SH3GL2: variants seen among roughly 807,000 people sequenced by gnomAD.
SH3GL2 encodes the protein SH3 domain containing GRB2 like 2, endophilin A1.
SH3GL2 carries 24 observed loss-of-function variants against 46.0 expected under a neutral mutation model. The ratio of observed to expected loss-of-function variants is 0.52; its 90% confidence interval spans 0.38 to 0.73. The LOEUF is 0.73. Among genes scored for constraint, SH3GL2 ranks in the 30% least tolerant of loss-of-function variants. The pLI is 0.00. For synonymous variants in SH3GL2, 196 were observed against 147.1 expected (o/e 1.33, Z -2.40); for missense variants, 413 against 424.2 (o/e 0.97, Z 0.23).
At chr9:17,740,311 A>T (rs1822487697) in intron 1 of SH3GL2, among the ~76,000 whole-genome samples, 3 of 152,148 alleles carry the variant, frequency 2.0e-5, no homozygotes, top group Admixed American at 2.0e-4. Context: ...CTGCTGTGAG[A>T]CATATACTGC....
intron 1 of SH3GL2, among the ~76,000 whole-genome samples, chr9:17,661,114 A>G (rs1231194711): frequency 1.3e-5 from 2 of 152,160 alleles, no homozygotes; most frequent in African/African-American, 4.8e-5. Context: ...GTGAGCCGAG[A>G]TTGTACCACT....
intron 1 of SH3GL2, chr9:17,590,391 T>C (rs1818458999): frequency 6.6e-6 from 1 of 152,210 alleles, no homozygotes. Flanking sequence ...TAGCCTGTTA[T>C]CCAGAGATCT....
At chr9:17,620,630 A>G (rs897554295) in intron 1 of SH3GL2, among the ~76,000 whole-genome samples, 15 of 152,120 alleles carry the variant, frequency 9.9e-5, no homozygotes, top group African/African-American at 1.4e-4. Flanking sequence ...GCCACCAGCA[A>G]ATTGGTCAAG....
rs565875969 is a variant in SH3GL2, at chr9:17,775,031, T to G, written c.188-11350T>G. Among the ~76,000 whole-genome samples, 34 of 152,310 alleles carry G rather than the reference T, an allele frequency of 2.2e-4. No homozygotes were observed. The East Asian group carries it at 5.0e-3, about 22-fold the overall frequency. ...TTGGTAGGTTTTGTGTTTCTAAGAG[T>G]TTGTCCATTTCATTTAGGTTATACA... On this transcript the variant is annotated intron_variant, in intron 3 of 8. Transcript: ENST00000380607.
In SH3GL2 at chr9:17,612,134, G is replaced by A. The variant is rs116058551; in HGVS notation, c.45+32847G>A. ...GACCTGTCTGTATGGGGGAAAGTCC[G>A]GCTCTTCAAGGGTGGCATTGCCTGT... On this transcript the variant is annotated intron_variant, in intron 1 of 8. Coordinates refer to ENST00000380607, the MANE Select transcript of SH3GL2 (RefSeq NM_003026.5). Among the ~76,000 whole-genome samples, 110 of 152,210 alleles carry A rather than the reference G, an allele frequency of 7.2e-4. 1 individual carries two copies. Among genetic ancestry groups the A allele is most frequent in the African/African-American group, 2.5e-3 (103 of 41,528 alleles).
chr9:17,721,956 A>G (rs558129801), intron 1 of SH3GL2, among the ~76,000 whole-genome samples: 2 of 152,230 alleles, frequency 1.3e-5, no homozygotes, highest in Non-Finnish European at 2.9e-5. Context: ...AGGTGTCCGC[A>G]GTGAGGTGAG....
intron 3 of SH3GL2, among the ~76,000 whole-genome samples, chr9:17,780,042 G>A (rs1303137066): frequency 2.0e-5 from 3 of 152,146 alleles, no homozygotes; most frequent in Non-Finnish European, 4.4e-5. Flanking sequence ...CAGACCACAT[G>A]CCAAACCAAT....
At chr9:17,592,127 G>A (rs1019410582) in intron 1 of SH3GL2, among the ~76,000 whole-genome samples, 8 of 152,278 alleles carry the variant, frequency 5.3e-5, no homozygotes, top group Admixed American at 2.0e-4. Flanking sequence ...CTGAGGCCCC[G>A]GGGAGCTGCT....
chr9:17,743,147 C>G (rs1291541807), intron 1 of SH3GL2, among the ~76,000 whole-genome samples: 1 of 151,986 alleles, frequency 6.6e-6, no homozygotes, highest in South Asian at 2.1e-4. Flanking sequence ...ATGCATAAAA[C>G]AAAAGGAAGT....
rs369952393 is a variant in SH3GL2 at position 17,586,526 on chromosome 9, C to T, written c.45+7239C>T. 2.6e-5 allele frequency among the ~76,000 whole-genome samples: 4 copies of T among 152,234 alleles called. No individual in the cohort carries two copies. In the East Asian group the frequency reaches 7.7e-4, roughly 29 times the overall value. On this transcript the variant is annotated intron_variant, in intron 1 of 8. Transcript: ENST00000380607. ...TTCTCATGTTGCTAATAAAGGCATA[C>T]CCGAGACTGGGTAATTTATAAAGGA...
chr9:17,738,567 T>C (rs1173159503), intron 1 of SH3GL2, among the ~76,000 whole-genome samples: 1 of 64,420 alleles, frequency 1.6e-5, no homozygotes, highest in East Asian at 1.5e-3. Flanking sequence ...TATACATACA[T>C]ATATATATAG....
chr9:17,663,729 T>G (rs1277433150), intron 1 of SH3GL2, among the ~76,000 whole-genome samples: 1 of 152,216 alleles, frequency 6.6e-6, no homozygotes, highest in Non-Finnish European at 1.5e-5. Context: ...CGCAGACTTT[T>G]TGTTAACAGA....
intron 1 of SH3GL2, among the ~76,000 whole-genome samples, chr9:17,596,493 C>T (rs1818574408): frequency 6.6e-6 from 1 of 152,124 alleles, no homozygotes; most frequent in South Asian, 2.1e-4. Context: ...GCTGTTCAGC[C>T]TCATTCTCCA....
chr9:17,791,439 A>C (rs986319300), intron 7 of SH3GL2, 105 bp downstream of exon 7: 2 of 824,428 alleles, frequency 2.4e-6, no homozygotes, highest in East Asian at 5.0e-5. Context: ...CGTCTGCCAA[A>C]ATTCCGCTTA....
At chr9:17,635,344 A>G (rs1819518474) in intron 1 of SH3GL2, among the ~76,000 whole-genome samples, 1 of 152,230 alleles carries the variant, frequency 6.6e-6, no homozygotes, top group East Asian at 1.9e-4. Context: ...ATAGTATTCC[A>G]TGTTGTATAT....
At chr9:17,789,661 G>A in intron 6 of SH3GL2, 111 bp downstream of exon 6, 1 of 1,501,664 alleles carries the variant, frequency 6.7e-7, no homozygotes. Flanking sequence ...TATGTGATAA[G>A]AACTTCAGTA....
intron 2 of SH3GL2, among the ~76,000 whole-genome samples, chr9:17,757,576 G>A (rs967128353): frequency 2.6e-5 from 4 of 152,304 alleles, no homozygotes; most frequent in South Asian, 2.1e-4. Flanking sequence ...AGTTGAAGAC[G>A]GAGGCTCAGG....
chr9:17,709,556 C>T (rs942284698), intron 1 of SH3GL2, among the ~76,000 whole-genome samples: 3 of 151,834 alleles, frequency 2.0e-5, no homozygotes, highest in African/African-American at 7.3e-5. Flanking sequence ...CCTAAAGGAG[C>T]TTACAACTGA....
chr9:17,792,454 C>T (rs540872179), intron 7 of SH3GL2, among the ~76,000 whole-genome samples: 2 of 152,308 alleles, frequency 1.3e-5, no homozygotes, highest in African/African-American at 2.4e-5. Context: ...CCCTCCCTTG[C>T]ATATCTCTTA....
Sources: gnomAD v4.1 joint callset for allele counts (sites outside exome capture counted in the v4.1 genomes callset) on GRCh38, gnomAD v4.1.1 for gene constraint, MANE v1.5 for transcripts, NCBI Gene and HGNC (gene_info 2026-07-23, HGNC 2026-07-21) for gene names.